The following FARS2 variants were observed in gnomAD, a reference collection of about 807,000 sequenced individuals.
The protein encoded by FARS2 is phenylalanyl-tRNA synthetase 2, mitochondrial.
In FARS2, 40 loss-of-function variants were observed where a neutral mutation model predicts 46.4. The ratio of observed to expected loss-of-function variants is 0.86; its 90% CI spans 0.67 to 1.12. The LOEUF is 1.12. Among genes scored for constraint, FARS2 ranks in the 50% most tolerant of loss-of-function variants. The pLI is 0.00. For synonymous variants in FARS2, 234 were observed against 214.9 expected (o/e 1.09, Z -0.78); for missense variants, 513 against 567.9 (o/e 0.90, Z 0.98).
chr6:5,665,507 G>C (rs1365719437), intron 6 of FARS2: 1 of 152,248 alleles, frequency 6.6e-6, no homozygotes, highest in Non-Finnish European at 1.5e-5. Flanking sequence ...AGGCCTGGGT[G>C]TGTGTGGATG....
intron 6 of FARS2, among the ~76,000 whole-genome samples, chr6:5,666,997 G>A (rs1048236417): frequency 1.3e-5 from 2 of 152,120 alleles, no homozygotes; most frequent in African/African-American, 4.8e-5. Flanking sequence ...ATGTTCTCAC[G>A]TACAAGTGGG....
rs187534003 is a variant in FARS2 at position 5,402,000 on chromosome 6, T to C, written c.613-2542T>C. Among the ~76,000 whole-genome samples the C allele has an allele frequency of 5.4e-4, 78 of 143,710 alleles. No homozygotes were observed. In the East Asian group the frequency reaches 0.014, roughly 27 times the overall value. 94.3% of individuals were successfully genotyped at this position (143,710 alleles called of 152,430 possible). ...CTGGTATTAGTTCTGCTCCATTGTT[T>C]TTTTTTCCCTCTTTAACGGACTCCA... On this transcript the variant is annotated intron_variant, in intron 2 of 6. Transcript: ENST00000274680.
chr6:5,349,867 G>A (rs1757461006), intron 1 of FARS2, among the ~76,000 whole-genome samples: 2 of 150,906 alleles, frequency 1.3e-5, no homozygotes, highest in Non-Finnish European at 3.0e-5. Context: ...CTCATTTTTA[G>A]ACTGGAGTTA....
chr6:5,475,169 G>T (rs1766049518), intron 4 of FARS2, among the ~76,000 whole-genome samples: 1 of 152,208 alleles, frequency 6.6e-6, no homozygotes, highest in Admixed American at 6.5e-5. Context: ...GGAAGGTTTT[G>T]TGGCATCTGA....
intron 1 of FARS2, among the ~76,000 whole-genome samples, chr6:5,345,212 G>A (rs956658846): frequency 1.3e-5 from 2 of 150,774 alleles, no homozygotes; most frequent in Non-Finnish European, 3.0e-5. Context: ...AAAAAAAAAC[G>A]CCATTATAAT....
At chr6:5,331,532 A>G (rs1024262870) in intron 1 of FARS2, among the ~76,000 whole-genome samples, 2 of 152,134 alleles carry the variant, frequency 1.3e-5, no homozygotes, top group Admixed American at 6.5e-5. Flanking sequence ...ATTTGTCTCT[A>G]GTTCCCCTGG....
intron 4 of FARS2, among the ~76,000 whole-genome samples, chr6:5,444,251 A>G (rs536051558): frequency 1.6e-4 from 24 of 152,052 alleles, no homozygotes; most frequent in Middle Eastern, 6.8e-3. Context: ...GGCGGATCAC[A>G]AGGTCAGGAG....
At chr6:5,345,849 C>T (rs930118225) in intron 1 of FARS2, among the ~76,000 whole-genome samples, 1 of 152,220 alleles carries the variant, frequency 6.6e-6, no homozygotes, top group Non-Finnish European at 1.5e-5. Flanking sequence ...GGCCTATAAT[C>T]TTTCACAGGC....
chr6:5,679,441 C>G (rs1198718563), intron 6 of FARS2, among the ~76,000 whole-genome samples: 1 of 152,104 alleles, frequency 6.6e-6, no homozygotes, highest in Non-Finnish European at 1.5e-5. Flanking sequence ...TGCAGATTGC[C>G]TGGGGTTATT....
chr6:5,350,264 T>G (rs1475379815), intron 1 of FARS2, among the ~76,000 whole-genome samples: 2 of 150,282 alleles, frequency 1.3e-5, no homozygotes, highest in Admixed American at 6.7e-5. Context: ...TGCCTCAGCC[T>G]CCCAAAGTGC....
intron 1 of FARS2, among the ~76,000 whole-genome samples, chr6:5,355,931 C>G (rs149411567): frequency 6.6e-6 from 1 of 152,096 alleles, no homozygotes; most frequent in Admixed American, 6.5e-5. Context: ...TGTTTTTAAC[C>G]TCAAAATAAG....
intron 3 of FARS2, among the ~76,000 whole-genome samples, chr6:5,429,784 G>C (rs1763058708): frequency 6.6e-6 from 1 of 152,192 alleles, no homozygotes; most frequent in African/African-American, 2.4e-5. Flanking sequence ...CTGCAGTCCA[G>C]CCTGGGTGAC....
intron 6 of FARS2, among the ~76,000 whole-genome samples, chr6:5,688,054 TC>T (rs1169680557): frequency 6.6e-6 from 1 of 152,248 alleles, no homozygotes; most frequent in Non-Finnish European, 1.5e-5. Context: ...TGATTTTGTA[TC>T]CTGAGACTTT....
At chr6:5,334,814 TC>T (rs1771044231) in intron 1 of FARS2, among the ~76,000 whole-genome samples, 1 of 152,180 alleles carries the variant, frequency 6.6e-6, no homozygotes, top group Non-Finnish European at 1.5e-5. Context: ...TCACTTAATA[TC>T]AGGAAAACAA....
chr6:5,445,506 C>T lies in FARS2; in HGVS notation c.904+14334C>T, dbSNP rs200195. The stretch of plus-strand genomic sequence containing the variant: ...TGTTATGTCCGTGAACAAAATGAGG[C>T]AATGTCATCACTAGGCAAAATTTAT... On this transcript the variant is annotated intron_variant, in intron 4 of 6. Coordinates refer to ENST00000274680, the MANE Select transcript of FARS2 (RefSeq NM_006567.5). Among the ~76,000 whole-genome samples, 129,621 of 152,186 alleles carry T rather than the reference C, an allele frequency of 0.85. 55,406 individuals carry two copies. Among genetic ancestry groups the T allele is most frequent in the East Asian group, 0.96 (4,989 of 5,176 alleles).
At chr6:5,326,031 CA>C (rs1770353425) in intron 1 of FARS2, among the ~76,000 whole-genome samples, 1 of 152,150 alleles carries the variant, frequency 6.6e-6, no homozygotes, top group Admixed American at 6.5e-5. Flanking sequence ...TTTATAGGGA[CA>C]ATGTTTATGA....
intron 5 of FARS2, among the ~76,000 whole-genome samples, chr6:5,585,389 A>G (rs1773559783): frequency 6.6e-6 from 1 of 152,166 alleles, no homozygotes; most frequent in Non-Finnish European, 1.5e-5. Context: ...ATTATTAACT[A>G]TAGTAACCAT....
At chr6:5,300,877 G>A (rs1768251612) in intron 1 of FARS2, among the ~76,000 whole-genome samples, 1 of 151,776 alleles carries the variant, frequency 6.6e-6, no homozygotes, top group African/African-American at 2.4e-5. Context: ...TAGAGATGGG[G>A]TCTTGCCATG....
intron 6 of FARS2, among the ~76,000 whole-genome samples, chr6:5,768,284 T>C (rs1762852297): frequency 6.6e-6 from 1 of 152,262 alleles, no homozygotes; most frequent in African/African-American, 2.4e-5. Context: ...TATCTATATA[T>C]TATGAGTATT....
Sources: gnomAD v4.1 joint callset for allele counts (sites outside exome capture counted in the v4.1 genomes callset) on GRCh38, gnomAD v4.1.1 for gene constraint, MANE v1.5 for transcripts, NCBI Gene and HGNC (gene_info 2026-07-23, HGNC 2026-07-21) for gene names.